CSTPP1: variants seen among roughly 807,000 people sequenced by gnomAD.
The protein encoded by CSTPP1 is centriolar satellite-associated tubulin polyglutamylase complex regulator 1, also known as UPF0705 protein C11orf49.
the CSTPP1 span, chr11:47,161,307 G>A: frequency 6.3e-7 from 1 of 1,595,018 alleles, no homozygotes; most frequent in South Asian, 1.1e-5. Flanking sequence ...TGCCAGGGAA[G>A]GGTCTGGGGG....
chr11:47,022,675 A>T, the CSTPP1 span, among the ~76,000 whole-genome samples: 2 of 152,068 alleles, frequency 1.3e-5, no homozygotes, highest in Non-Finnish European at 2.9e-5. Context: ...CAGCCACTAC[A>T]GTTATCTCTT....
chr11:47,076,699 G>T, the CSTPP1 span, among the ~76,000 whole-genome samples: 8 of 151,892 alleles, frequency 5.3e-5, no homozygotes, highest in East Asian at 1.5e-3. Context: ...AAATCAGCTG[G>T]CCATGGTGCC....
At chr11:47,056,212 T>C in the CSTPP1 span, among the ~76,000 whole-genome samples, 1 of 152,134 alleles carries the variant, frequency 6.6e-6, no homozygotes, top group African/African-American at 2.4e-5. Flanking sequence ...TTTCGATCCA[T>C]ATTTGGTTGA....
chr11:47,080,313 G>T, the CSTPP1 span, among the ~76,000 whole-genome samples: 3 of 152,124 alleles, frequency 2.0e-5, no homozygotes, highest in Admixed American at 2.0e-4. Flanking sequence ...AAATTAGCCA[G>T]GGGTGGTGGC....
At chr11:47,144,979 C>CCTT in the CSTPP1 span, among the ~76,000 whole-genome samples, 2 of 77,194 alleles carry the variant, frequency 2.6e-5, no homozygotes, top group Admixed American at 1.9e-4. Flanking sequence ...TATTGCCTGC[C>CCTT]ATTTTTTTTT....
At chr11:46,939,082 CTTTTTTTTT>C in the CSTPP1 span, among the ~76,000 whole-genome samples, 3 of 84,744 alleles carry the variant, frequency 3.5e-5, no homozygotes, top group Non-Finnish European at 6.8e-5. Context: ...TGGCTTACAT[CTTTTTTTTT>C]TTTTTTTTTT....
At chr11:46,949,551 T>C in the CSTPP1 span, among the ~76,000 whole-genome samples, 1 of 152,324 alleles carries the variant, frequency 6.6e-6, no homozygotes, top group South Asian at 2.1e-4. Flanking sequence ...CCAATAAATA[T>C]TTATTTTTGA....
chr11:46,936,707 C>T, the CSTPP1 span: 2 of 1,546,398 alleles, frequency 1.3e-6, no homozygotes, highest in Non-Finnish European at 1.7e-6. Context: ...CAGCTCCCGT[C>T]CCCCTTCCGC....
chr11:46,961,039 A>T, the CSTPP1 span, among the ~76,000 whole-genome samples: 1 of 152,186 alleles, frequency 6.6e-6, no homozygotes, highest in African/African-American at 2.4e-5. Flanking sequence ...GAACATCTGT[A>T]TACAAGTTTT....
At chr11:46,936,932 T>C in the CSTPP1 span, 22 of 902,056 alleles carry the variant, frequency 2.4e-5, no homozygotes, top group East Asian at 4.4e-5. Flanking sequence ...GGGGGCGGGG[T>C]CTGAGTGGGA....
At chr11:47,060,687 T>C in the CSTPP1 span, among the ~76,000 whole-genome samples, 30 of 152,038 alleles carry the variant, frequency 2.0e-4, no homozygotes, top group Non-Finnish European at 3.7e-4. Flanking sequence ...GGACTACAAA[T>C]TGGGTTCATT....
chr11:47,162,230 G>C, the CSTPP1 span: 1 of 985,344 alleles, frequency 1.0e-6, no homozygotes, highest in African/African-American at 1.7e-5. Context: ...CGAATAAAAA[G>C]TCCCTCATGT....
chr11:47,162,065 G>A, the CSTPP1 span: 6 of 989,308 alleles, frequency 6.1e-6, no homozygotes, highest in East Asian at 2.2e-4. Flanking sequence ...TGACACCTGC[G>A]ACGCAAGTAC....
chr11:47,058,646 T>G, the CSTPP1 span, among the ~76,000 whole-genome samples: 1 of 152,328 alleles, frequency 6.6e-6, no homozygotes, highest in South Asian at 2.1e-4. Flanking sequence ...TCTATGTAGA[T>G]TATCTCATTT....
the CSTPP1 span, among the ~76,000 whole-genome samples, chr11:46,958,923 C>T: frequency 6.6e-6 from 1 of 152,158 alleles, no homozygotes; most frequent in African/African-American, 2.4e-5. Context: ...TGCCCACCCA[C>T]ATTGGTGAAG....
the CSTPP1 span, among the ~76,000 whole-genome samples, chr11:47,077,206 T>C: frequency 6.6e-6 from 1 of 151,852 alleles, no homozygotes; most frequent in East Asian, 1.9e-4. Flanking sequence ...GTTTTTTTTT[T>C]TTTTTCTTTT....
chr11:47,123,316 T>A, the CSTPP1 span: 1 of 152,246 alleles, frequency 6.6e-6, no homozygotes, highest in East Asian at 1.9e-4. Context: ...TGCTGGCCCA[T>A]CATTACCAGG....
the CSTPP1 span, among the ~76,000 whole-genome samples, chr11:46,999,506 G>T: frequency 1.3e-5 from 2 of 152,112 alleles, no homozygotes; most frequent in African/African-American, 4.8e-5. Context: ...GGGCTAACCA[G>T]ATCATATTTG....
the CSTPP1 span, among the ~76,000 whole-genome samples, chr11:47,122,091 A>AAAATAT: frequency 1.4e-3 from 43 of 31,840 alleles, no homozygotes; most frequent in African/African-American, 2.4e-3. Flanking sequence ...AAAAAAAAAA[A>AAAATAT]ATATATATAT....
Sources: gnomAD v4.1 joint callset for allele counts (sites outside exome capture counted in the v4.1 genomes callset) on GRCh38, gnomAD v4.1.1 for gene constraint, MANE v1.5 for transcripts, NCBI Gene and HGNC (gene_info 2026-07-23, HGNC 2026-07-21) for gene names.